Variants in MTMR3 observed in about 807,000 individuals in gnomAD.
MTMR3 encodes the protein phosphatidylinositol-3,5-bisphosphate 3-phosphatase MTMR3.
MTMR3 carries 32 observed loss-of-function variants against 132.4 expected under a neutral mutation model. That is an observed-to-expected ratio of 0.24 (90% CI 0.18 to 0.32). The LOEUF (loss-of-function observed/expected upper bound fraction) is 0.32, where lower values mean the gene tolerates loss of function less well. MTMR3 is among the 10% of genes least tolerant of loss of function. The pLI is 1.00. For missense variants in MTMR3, 1,216 were observed against 1,489.6 expected (o/e 0.82, Z 3.02); for synonymous variants, 556 against 550.3 (o/e 1.01, Z -0.14).
At chr22:29,884,620 T>C (rs1254954043) in intron 1 of MTMR3, among the ~76,000 whole-genome samples, 1 of 143,772 alleles carries the variant, frequency 7.0e-6, no homozygotes, top group Non-Finnish European at 1.5e-5. Context: ...CGGAGTGCAG[T>C]AGTGCGATCT....
chr22:29,987,840 T>G (rs1053073820), intron 5 of MTMR3: 1 of 152,206 alleles, frequency 6.6e-6, no homozygotes, highest in South Asian at 2.1e-4. Flanking sequence ...ATAGTTATTA[T>G]AGCTTTAGCA....
chr22:29,914,343 C>T (rs1398623367), intron 1 of MTMR3, among the ~76,000 whole-genome samples: 1 of 152,094 alleles, frequency 6.6e-6, no homozygotes, highest in African/African-American at 2.4e-5. Flanking sequence ...TTTGTAATTT[C>T]CAGATGACTA....
intron 7 of MTMR3, chr22:29,995,367 TA>T (rs1467700399): frequency 6.6e-6 from 1 of 152,248 alleles, no homozygotes; most frequent in African/African-American, 2.4e-5. Flanking sequence ...ACCTGCCAGG[TA>T]AAGGCCTGTC....
At chr22:30,018,160 A>G in intron 16 of MTMR3, 88 bp downstream of exon 16, 1 of 1,367,334 alleles carries the variant, frequency 7.3e-7, no homozygotes, top group Non-Finnish European at 9.7e-7. Context: ...AGAGATCATG[A>G]TGGTATCTGG....
chr22:29,915,406 C>T (rs944836564), intron 1 of MTMR3, among the ~76,000 whole-genome samples: 11 of 152,184 alleles, frequency 7.2e-5, no homozygotes, highest in Middle Eastern at 3.4e-3. Flanking sequence ...TTTAGGCTGA[C>T]GGTCTCCTTC....
Position 30,029,256 on chromosome 22 carries a change from C to G in MTMR3, c.*3455C>G, listed in dbSNP as rs978941755. The G allele has an allele frequency of 2.0e-5, 3 of 152,350 alleles. No individual in the cohort carries two copies. Among genetic ancestry groups the G allele is most frequent in the Admixed American group, 6.5e-5 (1 of 15,282 alleles). 9.4% of individuals were successfully genotyped at this position (152,350 alleles called of 1,614,324 possible). On this transcript the variant is annotated 3_prime_UTR_variant, in exon 20 of 20. Transcript: ENST00000401950. ...CAGGTTGTCTTCATCTCAGAACTTT[C>G]CTATCCTGGCACTCTCGTTACCTTT...
Position 30,027,948 on chromosome 22 carries a change from G to A in MTMR3, c.*2147G>A, listed in dbSNP as rs968563336. 3 of 152,354 alleles carry A rather than the reference G, an allele frequency of 2.0e-5. No individual in the cohort carries two copies. Among genetic ancestry groups the A allele is most frequent in the African/African-American group, 7.2e-5 (3 of 41,456 alleles). 9.4% of individuals were successfully genotyped at this position (152,354 alleles called of 1,614,324 possible). On this transcript the variant is annotated 3_prime_UTR_variant, in exon 20 of 20. Transcript: ENST00000401950. ...CTCACACAGAAGTGTTTGAGGGCCT[G>A]CTGGGAAACTGACCTTTGGCAAAGG...
intron 1 of MTMR3, among the ~76,000 whole-genome samples, chr22:29,928,148 G>A (rs1036859727): frequency 6.7e-6 from 1 of 149,200 alleles, no homozygotes; most frequent in African/African-American, 2.5e-5. Flanking sequence ...CGTCTGTACG[G>A]GTAATCACTA....
chr22:29,934,926 G>A (rs1269268084), intron 1 of MTMR3, among the ~76,000 whole-genome samples: 1 of 152,094 alleles, frequency 6.6e-6, no homozygotes, highest in African/African-American at 2.4e-5. Flanking sequence ...GTTTGGTTTC[G>A]CTTAACAAAG....
At chr22:29,892,907 T>G (rs928681882) in intron 1 of MTMR3, among the ~76,000 whole-genome samples, 5 of 152,242 alleles carry the variant, frequency 3.3e-5, no homozygotes, top group African/African-American at 1.2e-4. Flanking sequence ...ACATATATCT[T>G]CTTAGGTCAT....
chr22:30,011,210 T>C (rs1424032037), intron 12 of MTMR3: 1 of 152,242 alleles, frequency 6.6e-6, no homozygotes, highest in African/African-American at 2.4e-5. Context: ...ACTTGACTTG[T>C]GATCTTAACT....
At chr22:29,919,562 G>A (rs1229431734) in intron 1 of MTMR3, among the ~76,000 whole-genome samples, 1 of 152,046 alleles carries the variant, frequency 6.6e-6, no homozygotes, top group Non-Finnish European at 1.5e-5. Flanking sequence ...GGTCTCTATA[G>A]CCCAGGATGG....
At chr22:29,953,859 G>C (rs548547371) in intron 1 of MTMR3, among the ~76,000 whole-genome samples, 45 of 152,072 alleles carry the variant, frequency 3.0e-4, no homozygotes, top group African/African-American at 1.0e-3. Flanking sequence ...TTATTTTTAG[G>C]TAATTGCTTA....
At chr22:29,949,126 CACACACACACA>C (rs2066010262) in intron 1 of MTMR3, among the ~76,000 whole-genome samples, 7 of 40,128 alleles carry the variant, frequency 1.7e-4, no homozygotes, top group African/African-American at 8.3e-4. Context: ...CACACACACA[CACACACACACA>C]CACACACCCC....
At chr22:30,023,707 G>A (rs1033097319) in intron 19 of MTMR3, 9 of 558,866 alleles carry the variant, frequency 1.6e-5, no homozygotes, top group Admixed American at 1.2e-4. Flanking sequence ...ACAGAGGTCA[G>A]CCAGGCCGTC....
chr22:30,019,327 C>T (rs2067686571), intron 16 of MTMR3, 153 bp from the exon 17 acceptor site: 2 of 709,184 alleles, frequency 2.8e-6, no homozygotes, highest in African/African-American at 3.6e-5. Flanking sequence ...TTTGCTGCTC[C>T]AGCAGTCTGG....
At chr22:29,981,414 T>C (rs1440051825) in intron 5 of MTMR3, 1 of 152,222 alleles carries the variant, frequency 6.6e-6, no homozygotes, top group Non-Finnish European at 1.5e-5. Flanking sequence ...CCCATTGTGA[T>C]TGAGAGATAA....
intron 1 of MTMR3, among the ~76,000 whole-genome samples, chr22:29,941,666 A>G (rs2065859506): frequency 6.6e-6 from 1 of 152,192 alleles, no homozygotes; most frequent in Non-Finnish European, 1.5e-5. Flanking sequence ...ATTTGAGAAT[A>G]CTTCTCCTAC....
intron 1 of MTMR3, among the ~76,000 whole-genome samples, chr22:29,918,518 ATATT>A (rs759192232): frequency 2.6e-5 from 4 of 152,160 alleles, no homozygotes; most frequent in Non-Finnish European, 5.9e-5. Flanking sequence ...AATACAATAA[ATATT>A]TAAGTGCCAC....
Sources: allele counts gnomAD v4.1 joint callset (sites outside exome capture counted in the v4.1 genomes callset), GRCh38; gene constraint gnomAD v4.1.1; transcripts MANE v1.5; gene names NCBI Gene and HGNC (gene_info 2026-07-23, HGNC 2026-07-21).